Variants in KANSL1L observed in about 807,000 individuals in gnomAD.
The protein encoded by KANSL1L is KAT8 regulatory NSL complex subunit 1-like protein.
A neutral mutation model predicts 108.6 loss-of-function variants in KANSL1L; 25 were observed. The observed-to-expected ratio is 0.23, with a 90% CI of 0.17 to 0.32. The LOEUF (loss-of-function observed/expected upper bound fraction) is 0.32, where lower values mean the gene tolerates loss of function less well. KANSL1L is among the 10% of genes least tolerant of loss of function. The pLI, the probability that KANSL1L is intolerant of heterozygous loss-of-function variation, is 1.00. For synonymous variants in KANSL1L, 405 were observed against 395.1 expected (o/e 1.03, Z -0.30); for missense variants, 1,137 against 1,125.7 (o/e 1.01, Z -0.14).
At chr2:210,133,318 TA>T (rs1195106411) in intron 2 of KANSL1L, among the ~76,000 whole-genome samples, 1 of 152,144 alleles carries the variant, frequency 6.6e-6, no homozygotes, top group Non-Finnish European at 1.5e-5. Context: ...TTTTAATTCA[TA>T]TTTTTTATTA....
intron 6 of KANSL1L, among the ~76,000 whole-genome samples, chr2:210,046,046 A>G (rs1461658038): frequency 2.0e-5 from 3 of 152,162 alleles, no homozygotes; most frequent in African/African-American, 7.2e-5. Context: ...ACAAAGGTCT[A>G]CTTTCTCACT....
At position 210,154,477 on chromosome 2, in the gene KANSL1L, C is replaced by G. The variant is rs141903484; in HGVS notation, c.106G>C (p.Val36Leu). 6.2e-7 allele frequency: 1 copy of G among 1,613,410 alleles called. No individual in the cohort carries two copies. Among genetic ancestry groups the G allele is most frequent in the Admixed American group, 1.7e-5 (1 of 59,974 alleles). ...KMLYMESPRTVDEKLKGDTFS... is the reference protein window; with the variant it reads ...KMLYMESPRTLDEKLKGDTFS... ...GTGTCTCCCTTTAGCTTTTCATCTACAGTTCTGGGACTTTCCATGTAGAGC... is the reference window on the plus strand; with the variant it reads ...GTGTCTCCCTTTAGCTTTTCATCTAGAGTTCTGGGACTTTCCATGTAGAGC... Residue 36 changes from valine to leucine, a missense_variant, in exon 2 of 15, where the codon GTA (valine) becomes CTA (leucine). Physicochemically the swap from Val to Leu is conservative, Grantham distance 32 (BLOSUM62 1). This residue lies in a region of KANSL1L where 556 missense variants were observed against 537.7 expected (regional missense o/e 1.03). Transcript: ENST00000281772.
At chr2:210,036,892 G>A (rs548809080) in intron 8 of KANSL1L, among the ~76,000 whole-genome samples, 2 of 151,964 alleles carry the variant, frequency 1.3e-5, no homozygotes, top group Non-Finnish European at 2.9e-5. Context: ...AAGTAGCTAG[G>A]ACAACAGGTG....
At chr2:210,160,461 A>G (rs1458136120) in intron 1 of KANSL1L, among the ~76,000 whole-genome samples, 1 of 152,226 alleles carries the variant, frequency 6.6e-6, no homozygotes, top group Non-Finnish European at 1.5e-5. Context: ...CTCCTCGACT[A>G]ATGAATTTAA....
chr2:210,098,026 A>T, intron 5 of KANSL1L, 60 bp downstream of exon 5: 1 of 1,458,244 alleles, frequency 6.9e-7, no homozygotes, highest in East Asian at 2.4e-5. Context: ...AAACAAAATC[A>T]AAATAAGATA....
At chr2:210,085,226 A>G (rs2094626272) in intron 5 of KANSL1L, among the ~76,000 whole-genome samples, 1 of 152,210 alleles carries the variant, frequency 6.6e-6, no homozygotes, top group Non-Finnish European at 1.5e-5. Context: ...ACAAATGCCT[A>G]GAAAAAGAAA....
rs1414542269 is a variant in KANSL1L at position 210,063,366 on chromosome 2, C to T, written c.1755+12186G>A. ...GGGAAATGTGGGGTCAGAGCCCCCA[C>T]AAACAGCCCCTACTGGGGCACCACC... On this transcript the variant is annotated intron_variant, in intron 6 of 14. Coordinates refer to ENST00000281772, the MANE Select transcript of KANSL1L (RefSeq NM_152519.4). Among the ~76,000 whole-genome samples, 3 of 152,232 alleles carry T rather than the reference C, an allele frequency of 2.0e-5. No homozygotes were observed. The East Asian group carries it at 5.8e-4, about 29-fold the overall frequency.
At chr2:210,057,437 C>T (rs1037750566) in intron 6 of KANSL1L, among the ~76,000 whole-genome samples, 2 of 152,112 alleles carry the variant, frequency 1.3e-5, no homozygotes, top group African/African-American at 4.8e-5. Context: ...CGCTGTGGCT[C>T]ACGCCTGTAA....
At chr2:210,067,308 AT>A (rs2094473326) in intron 6 of KANSL1L, among the ~76,000 whole-genome samples, 1 of 152,156 alleles carries the variant, frequency 6.6e-6, no homozygotes, top group Admixed American at 6.5e-5. Context: ...ATCTATATAT[AT>A]TCTATTGCTC....
intron 4 of KANSL1L, among the ~76,000 whole-genome samples, chr2:210,100,927 C>T (rs527560127): frequency 2.1e-4 from 32 of 152,282 alleles, no homozygotes; most frequent in South Asian, 6.2e-4. Context: ...CATGAGCTAC[C>T]ATGCCCGGCC....
At chr2:210,042,192 T>A (rs114651359) in intron 7 of KANSL1L, among the ~76,000 whole-genome samples, 4 of 152,324 alleles carry the variant, frequency 2.6e-5, no homozygotes, top group African/African-American at 7.2e-5. Flanking sequence ...TGTCAGCTTT[T>A]GTAAAAATAT....
chr2:210,165,767 A>T (rs1232396949), intron 1 of KANSL1L, among the ~76,000 whole-genome samples: 1 of 152,220 alleles, frequency 6.6e-6, no homozygotes, highest in South Asian at 2.1e-4. Flanking sequence ...ATGAGTTACT[A>T]TTAGTTGTTC....
intron 5 of KANSL1L, among the ~76,000 whole-genome samples, chr2:210,078,295 G>A (rs941673994): frequency 2.6e-5 from 4 of 152,064 alleles, no homozygotes; most frequent in Non-Finnish European, 5.9e-5. Context: ...GTGGTCCTTC[G>A]TTGACTAGAA....
At chr2:210,096,864 G>A in intron 5 of KANSL1L, 1 of 699,130 alleles carries the variant, frequency 1.4e-6, no homozygotes. Context: ...AAATAAAATA[G>A]TAAAAGTATT....
chr2:210,046,179 C>T (rs975420321), intron 6 of KANSL1L, among the ~76,000 whole-genome samples: 8 of 152,146 alleles, frequency 5.3e-5, no homozygotes, highest in African/African-American at 1.9e-4. Context: ...ATCCAAATAA[C>T]ATCACATTGG....
intron 3 of KANSL1L, among the ~76,000 whole-genome samples, chr2:210,114,575 T>C (rs2094936935): frequency 1.3e-5 from 2 of 152,202 alleles, no homozygotes; most frequent in Admixed American, 1.3e-4. Flanking sequence ...CTAGTATTAT[T>C]GTAACACTAG....
chr2:210,123,169 A>G (rs1227176694), intron 3 of KANSL1L, among the ~76,000 whole-genome samples: 2 of 152,092 alleles, frequency 1.3e-5, no homozygotes, highest in Non-Finnish European at 2.9e-5. Context: ...CTATGATCCA[A>G]TCTTACTCCT....
chr2:210,076,231 G>A lies in KANSL1L; in HGVS notation c.1551-475C>T, dbSNP rs980506444. 5.3e-5 allele frequency among the ~76,000 whole-genome samples: 8 copies of A among 152,082 alleles called. No individual in the cohort carries two copies. The South Asian group carries it at 1.5e-3, about 28-fold the overall frequency. ...GAGTCTCACTCAGCTGCCCAGGCTG[G>A]AGTGCAGTGGTGCGATCTCGGTTCA... On this transcript the variant is annotated intron_variant, in intron 5 of 14. Coordinates refer to ENST00000281772, the MANE Select transcript of KANSL1L (RefSeq NM_152519.4).
intron 6 of KANSL1L, among the ~76,000 whole-genome samples, chr2:210,069,164 C>A (rs1348586436): frequency 1.3e-5 from 2 of 152,162 alleles, no homozygotes; most frequent in African/African-American, 2.4e-5. Context: ...CTATTTTCCA[C>A]CTCACAGTAG....
Sources: allele counts gnomAD v4.1 joint callset (sites outside exome capture counted in the v4.1 genomes callset), GRCh38; gene constraint gnomAD v4.1.1; regional missense constraint gnomAD v4.1.1; transcripts MANE v1.5; gene names NCBI Gene and HGNC (gene_info 2026-07-23, HGNC 2026-07-21).